ASPM: variants seen among roughly 807,000 people sequenced by gnomAD.
The protein encoded by ASPM is assembly factor for spindle microtubules.
In ASPM, 256 loss-of-function variants were observed where a neutral mutation model predicts 366.4. That is an observed-to-expected ratio of 0.70 (90% CI 0.63 to 0.77). The LOEUF (loss-of-function observed/expected upper bound fraction) is 0.77. ASPM is among the 30% of genes least tolerant of loss of function. The probability of loss-of-function intolerance (pLI) is 0.00; values close to 1 mark genes in which losing one functional copy is unlikely to be tolerated. For synonymous variants in ASPM, 1,414 were observed against 1,342.9 expected (o/e 1.05, Z -1.16); for missense variants, 4,146 against 4,090.4 (o/e 1.01, Z -0.37).
At position 197,084,242 on chromosome 1, in the gene ASPM, CGG is replaced by C. The variant is rs1558319584; in HGVS notation, c.*80_*81del. On this transcript the variant is annotated 3_prime_UTR_variant, in exon 28 of 28. Coordinates refer to ENST00000367409, the MANE Select transcript of ASPM (RefSeq NM_018136.5). ...AAAGTCAGATTTTAAAAGTTGTACA[CGG>C]AGAGCAAAAATCACTTTACGTACTC... The C allele has an allele frequency of 3.9e-6, 4 of 1,017,014 alleles. No homozygotes were observed. The highest frequency in any genetic ancestry group is 6.1e-6 in the Non-Finnish European group (4 of 652,482). The allele number at this position is 1,017,014 out of a possible 1,614,324, so 63.0% of individuals were successfully genotyped here. A position where few individuals can be genotyped will look rare whatever the true frequency, so the allele number is the denominator to read the frequency against.
Position 197,100,903 on chromosome 1 carries a change from T to C in ASPM, c.8348A>G (p.Gln2783Arg). The stretch of plus-strand genomic sequence containing the variant: ...ACCTTCACTTTGAACAGCTTCATAC[T>C]GAGTTTTACTTCTGTAACAGCAGAG... Reference protein sequence around the residue: ...SALCCYRSKTQYEAVQSEGVM... With the variant: ...SALCCYRSKTRYEAVQSEGVM... The change falls in exon 18 of 28, where the codon CAG becomes CGG. Residue 2783 changes from glutamine (Q) to arginine (R), a missense_variant. Around this residue, in one of 3 missense-constraint regions of ASPM, gnomAD observed 3,624 missense variants for 3,591.7 expected, o/e 1.01. Transcript: ENST00000367409. The C allele has an allele frequency of 6.2e-7, 1 of 1,612,724 alleles. No individual in the cohort carries two copies. Among genetic ancestry groups the C allele is most frequent in the Non-Finnish European group, 8.5e-7 (1 of 1,179,174 alleles).
intron 18 of ASPM, among the ~76,000 whole-genome samples, chr1:197,096,843 TCTTA>T (rs1475207494): frequency 6.6e-6 from 1 of 151,782 alleles, no homozygotes; most frequent in Non-Finnish European, 1.5e-5. Flanking sequence ...GGCAGAGTTG[TCTTA>T]CTTAATATTT....
At position 197,101,904 on chromosome 1, in the gene ASPM, A is replaced by C. The variant is rs1183596520; in HGVS notation, c.7347T>G (p.His2449Gln). The C allele has an allele frequency of 1.2e-6, 2 of 1,612,814 alleles. No individual in the cohort carries two copies. Among genetic ancestry groups the C allele is most frequent in the African/African-American group, 1.3e-5 (1 of 74,824 alleles). Residue 2449 changes from histidine (H) to glutamine (Q), a missense_variant, in exon 18 of 28, where the codon CAT (histidine) becomes CAG (glutamine). His to Gln is a conservative substitution (Grantham distance 24). Around this residue, in one of 3 missense-constraint regions of ASPM, gnomAD observed 3,624 missense variants for 3,591.7 expected, o/e 1.01. Transcript: ENST00000367409. ...RKYRATICAK[H>Q]KLYQFLHLRK... The stretch of plus-strand genomic sequence containing the variant: ...TTAAGTGCAAGAATTGGTACAATTT[A>C]TGTTTGGCACAAATGGTGGCTCGAT...
intron 26 of ASPM, among the ~76,000 whole-genome samples, chr1:197,087,311 C>T (rs1022189036): frequency 1.3e-5 from 2 of 152,036 alleles, no homozygotes; most frequent in Non-Finnish European, 2.9e-5. Flanking sequence ...CTCCTGACCT[C>T]GTGATCTGCC....
chr1:197,093,903 G>T (rs1449872411), intron 20 of ASPM, among the ~76,000 whole-genome samples, 181 bp downstream of exon 20: 3 of 151,778 alleles, frequency 2.0e-5, no homozygotes, highest in Admixed American at 6.6e-5. Flanking sequence ...GTATTTTTAT[G>T]GGAGAATATA....
rs887080113 is a variant in ASPM at position 197,144,228 on chromosome 1, A to C, written c.298-128T>G. On this transcript the variant is annotated intron_variant, in intron 1 of 27. Coordinates refer to ENST00000367409, the MANE Select transcript of ASPM (RefSeq NM_018136.5). Reference sequence around the variant, plus strand: ...CCAACACTCTATATACTAAACATTTAATAAATCAAATATATTTCTCCTACC... The same window carrying C: ...CCAACACTCTATATACTAAACATTTCATAAATCAAATATATTTCTCCTACC... The C allele has an allele frequency of 7.9e-6, 5 of 629,230 alleles. No homozygotes were observed. In the East Asian group the frequency reaches 1.2e-4, roughly 15 times the overall value. 39.0% of individuals were successfully genotyped at this position (629,230 alleles called of 1,614,324 possible).
In ASPM at chr1:197,146,484, G is replaced by A. The variant is rs1415528496; in HGVS notation, c.-47C>T. On this transcript the variant is annotated 5_prime_UTR_variant, in exon 1 of 28. Coordinates refer to ENST00000367409, the MANE Select transcript of ASPM (RefSeq NM_018136.5). ...GGATCTCCTTGCCCCGCTCCCACGA[G>A]GCGGCTCCGGAGCGGGGATCCGGGA... 1.3e-6 allele frequency: 2 copies of A among 1,593,508 alleles called. No individual in the cohort carries two copies. The highest frequency in any genetic ancestry group is 2.7e-5 in the African/African-American group (2 of 74,784).
intron 17 of ASPM, among the ~76,000 whole-genome samples, chr1:197,117,265 T>C (rs1207314610): frequency 2.6e-5 from 4 of 151,884 alleles, no homozygotes; most frequent in African/African-American, 9.7e-5. Flanking sequence ...TAATTTAATA[T>C]AAAAAAACTA....
intron 17 of ASPM, among the ~76,000 whole-genome samples, chr1:197,108,261 T>C (rs10922163): frequency 0.45 from 67,979 of 151,770 alleles, 16,807 homozygotes; most frequent in East Asian, 0.82. Flanking sequence ...TGGCTAAACC[T>C]GTATTTAGAA....
chr1:197,139,333 AC>A, intron 4 of ASPM: 1 of 688,126 alleles, frequency 1.5e-6, no homozygotes, highest in Non-Finnish European at 2.5e-6. Context: ...GCGGTGGCTC[AC>A]GCCTGAAATC....
Position 197,104,521 on chromosome 1 carries a change from ACT to A in ASPM, c.4728_4729del (p.Arg1576SerfsTer7), listed in dbSNP as rs587783245. On this transcript the variant is annotated frameshift_variant, in exon 18 of 28. Coordinates refer to ENST00000367409, the MANE Select transcript of ASPM (RefSeq NM_018136.5). LOFTEE classifies it high-confidence loss of function. ...AGTCTTCTTAAGGTTTAAAAATCGA[ACT>A]CTGTCTTGTCTCATTCTCCAGTATG... 5.6e-6 allele frequency: 9 copies of A among 1,612,552 alleles called. No homozygotes were observed. The highest frequency in any genetic ancestry group is 4.5e-5 in the East Asian group (2 of 44,806).
chr1:197,101,971 A>C lies in ASPM; in HGVS notation c.7280T>G (p.Phe2427Cys). ...AATAGTAGCTTTTTTGAGGGAAATGAATCTTCTCCTCACCAGTAATGATCT... is the reference window on the plus strand; with the variant it reads ...AATAGTAGCTTTTTTGAGGGAAATGCATCTTCTCCTCACCAGTAATGATCT... ...RFRSLLVRRRFISLKKATIFV... is the reference protein window; with the variant it reads ...RFRSLLVRRRCISLKKATIFV... The change falls in exon 18 of 28, where the codon TTC becomes TGC. Residue 2427 changes from phenylalanine (F) to cysteine (C), a missense_variant. Phe to Cys is a radical substitution (Grantham distance 205, BLOSUM62 -2). Transcript: ENST00000367409. The C allele has an allele frequency of 6.2e-7, 1 of 1,612,816 alleles. No individual in the cohort carries two copies. The highest frequency in any genetic ancestry group is 8.5e-7 in the Non-Finnish European group (1 of 1,179,288).
intron 10 of ASPM, among the ~76,000 whole-genome samples, chr1:197,128,099 G>T (rs1267313747): frequency 1.3e-5 from 2 of 151,850 alleles, no homozygotes; most frequent in Non-Finnish European, 2.9e-5. Context: ...CAGGAGGTAG[G>T]CTTGCAGTGA....
intron 17 of ASPM, among the ~76,000 whole-genome samples, chr1:197,113,891 ATAC>A (rs1372564478): frequency 6.6e-6 from 1 of 152,224 alleles, no homozygotes; most frequent in Non-Finnish European, 1.5e-5. Context: ...ACTACTCTGA[ATAC>A]TACTACACAA....
At chr1:197,131,557 CTT>C (rs201682917) in intron 7 of ASPM, among the ~76,000 whole-genome samples, 1 of 144,478 alleles carries the variant, frequency 6.9e-6, no homozygotes, top group Non-Finnish European at 1.5e-5. Flanking sequence ...GGGCAAGTCA[CTT>C]TTTTTTTTTT....
At chr1:197,144,135 A>G (rs763245368) in intron 1 of ASPM, 35 bp from the exon 2 acceptor site, 1 of 1,434,840 alleles carries the variant, frequency 7.0e-7, no homozygotes, top group Non-Finnish European at 9.8e-7. Flanking sequence ...TAATTACAAT[A>G]GTAATTACAT....
Position 197,103,128 on chromosome 1 carries a change from C to A in ASPM, c.6123G>T (p.Lys2041Asn). 1.2e-6 allele frequency: 2 copies of A among 1,612,692 alleles called. No individual in the cohort carries two copies. The highest frequency in any genetic ancestry group is 3.3e-4 in the Middle Eastern group (2 of 6,052). Residue 2041 changes from lysine to asparagine, a missense_variant, in exon 18 of 28, where the codon AAG (lysine) becomes AAT (asparagine). Coordinates refer to ENST00000367409, the MANE Select transcript of ASPM (RefSeq NM_018136.5). ...TAGTGACTGCTGCTTTGTTGCAATC[C>A]TTTATTCTTTTTCTCACTTTCATAC... The part of the protein sequence containing the change: ...YRGMKVRKRI[K>N]DCNKAAVTIQ...
At chr1:197,109,109 G>A (rs1657504548) in intron 17 of ASPM, among the ~76,000 whole-genome samples, 1 of 150,566 alleles carries the variant, frequency 6.6e-6, no homozygotes, top group South Asian at 2.1e-4. Flanking sequence ...ATTATGTCAA[G>A]TAAAAAAAGA....
intron 17 of ASPM, among the ~76,000 whole-genome samples, chr1:197,110,604 A>G (rs1657551667): frequency 6.6e-6 from 1 of 152,072 alleles, no homozygotes; most frequent in Admixed American, 6.6e-5. Context: ...ATTGGGAGAA[A>G]TTGTGTGAAA....
Sources: allele counts gnomAD v4.1 joint callset (sites outside exome capture counted in the v4.1 genomes callset), GRCh38; gene constraint gnomAD v4.1.1; regional missense constraint gnomAD v4.1.1; transcripts MANE v1.5; gene names NCBI Gene and HGNC (gene_info 2026-07-23, HGNC 2026-07-21).